PARD3B: variants seen among roughly 807,000 people sequenced by gnomAD.
PARD3B encodes partitioning defective 3 homolog B.
In PARD3B, 103 loss-of-function variants were observed where a neutral mutation model predicts 130.2. The ratio of observed to expected loss-of-function variants is 0.79; its 90% CI spans 0.67 to 0.93. The LOEUF (loss-of-function observed/expected upper bound fraction) is 0.93, where lower values mean the gene tolerates loss of function less well. Among genes scored for constraint, PARD3B ranks in the 40% least tolerant of loss-of-function variants. The pLI is 0.00. For missense variants in PARD3B, 1,609 were observed against 1,499.2 expected (o/e 1.07, Z -1.21); for synonymous variants, 583 against 553.2 (o/e 1.05, Z -0.76).
At position 205,241,707 on chromosome 2, in the gene PARD3B, T is replaced by C. The variant is rs566171470; in HGVS notation, c.2141-4071T>C. On this transcript the variant is annotated intron_variant, in intron 15 of 22. Coordinates refer to ENST00000406610, the MANE Select transcript of PARD3B (RefSeq NM_001302769.2). The surrounding 1 kb of genome is among the most constrained non-coding windows in gnomAD (Gnocchi z 4.2). ...GCTTTTAATTAATACTTTACTGTTT[T>C]GGAATCAAAGACCTTTCCCACACCA... Among the ~76,000 whole-genome samples the C allele has an allele frequency of 2.0e-5, 3 of 152,308 alleles. No individual in the cohort carries two copies. The highest frequency in any genetic ancestry group is 4.1e-4 in the South Asian group (2 of 4,832).
chr2:204,654,901 G>A lies in PARD3B; in HGVS notation c.121-31280G>A, dbSNP rs181093799. ...GATGTTTCATAGTCTCTGGTGGACC[G>A]AGCAGACTATCCAGTACATTGAGAG... On this transcript the variant is annotated intron_variant, in intron 1 of 22. Transcript: ENST00000406610. Among the ~76,000 whole-genome samples the A allele has an allele frequency of 5.9e-5, 9 of 152,202 alleles. No individual in the cohort carries two copies. In the South Asian group the frequency reaches 1.0e-3, roughly 18 times the overall value.
intron 18 of PARD3B, among the ~76,000 whole-genome samples, chr2:205,333,567 G>A (rs1340846763): frequency 6.6e-6 from 1 of 152,136 alleles, no homozygotes; most frequent in African/African-American, 2.4e-5. Context: ...TAGGGACACA[G>A]CCAATTCCAT....
At chr2:204,828,435 T>C (rs759038732) in intron 2 of PARD3B, among the ~76,000 whole-genome samples, 13 of 152,230 alleles carry the variant, frequency 8.5e-5, no homozygotes, top group South Asian at 2.1e-4. Context: ...CCAAGCATAG[T>C]CAAATATTAA....
rs774201389 is a variant in PARD3B, at chr2:205,158,896, G to A, written c.1609G>A (p.Ala537Thr). 1.3e-5 allele frequency: 21 copies of A among 1,613,708 alleles called. No homozygotes were observed. Among genetic ancestry groups the A allele is most frequent in the East Asian group, 8.9e-5 (4 of 44,868 alleles). ...IFIKSIIHGG[A>T]AFKDGRLRMN... ...TATCAAATCCATCATTCATGGAGGC[G>A]CTGCTTTTAAGGTGGGTAGGAATGA... Residue 537 changes from alanine to threonine, a missense_variant, in exon 11 of 23, where the codon GCT becomes ACT. Transcript: ENST00000406610. The surrounding 1 kb of genome is among the most constrained non-coding windows in gnomAD (Gnocchi z 5.4).
chr2:205,056,112 C>G (rs1256858437), intron 4 of PARD3B, among the ~76,000 whole-genome samples: 1 of 151,938 alleles, frequency 6.6e-6, no homozygotes, highest in Non-Finnish European at 1.5e-5. Flanking sequence ...TGAGAGTTCA[C>G]CTTGAGAAGA....
chr2:205,317,485 TCATACA>T (rs1293623912), intron 18 of PARD3B, among the ~76,000 whole-genome samples: 1 of 152,150 alleles, frequency 6.6e-6, no homozygotes, highest in Non-Finnish European at 1.5e-5. Context: ...TTAAATATAG[TCATACA>T]CATGGTGCCC....
chr2:204,663,056 C>T (rs954916737), intron 1 of PARD3B, among the ~76,000 whole-genome samples: 4 of 152,168 alleles, frequency 2.6e-5, no homozygotes, highest in African/African-American at 7.2e-5. Context: ...CCAAAACTAA[C>T]CATATAGGTA....
rs934444816 is a variant in PARD3B at position 204,766,517 on chromosome 2, T to G, written c.222+80235T>G. ...TTCTAAATTGCACTGTTAAAAATTT[T>G]AGTGTACTATACTCTTAATGTACTA... On this transcript the variant is annotated intron_variant, in intron 2 of 22. Coordinates refer to ENST00000406610, the MANE Select transcript of PARD3B (RefSeq NM_001302769.2). Among the ~76,000 whole-genome samples, 8 of 152,140 alleles carry G rather than the reference T, an allele frequency of 5.3e-5. No individual in the cohort carries two copies. In the East Asian group the frequency reaches 1.2e-3, roughly 22 times the overall value.
At chr2:205,076,353 T>C (rs1268689919) in intron 4 of PARD3B, among the ~76,000 whole-genome samples, 1 of 152,248 alleles carries the variant, frequency 6.6e-6, no homozygotes, top group Non-Finnish European at 1.5e-5. Context: ...TCTCTTGTTA[T>C]GCTAATTACC....
chr2:205,500,373 T>C (rs1341960228), intron 21 of PARD3B, among the ~76,000 whole-genome samples: 1 of 152,156 alleles, frequency 6.6e-6, no homozygotes, highest in Non-Finnish European at 1.5e-5. Flanking sequence ...CATCTCTCCT[T>C]TGGAAAATGG....
intron 2 of PARD3B, among the ~76,000 whole-genome samples, chr2:204,773,745 G>A (rs750282761): frequency 6.6e-6 from 1 of 152,170 alleles, no homozygotes; most frequent in South Asian, 2.1e-4. Context: ...TTTTGGACCA[G>A]TGCAGTAGCC....
intron 9 of PARD3B, among the ~76,000 whole-genome samples, chr2:205,124,962 C>T (rs544545754): frequency 2.0e-5 from 3 of 152,258 alleles, no homozygotes; most frequent in African/African-American, 7.2e-5. Flanking sequence ...ATACCAAAAG[C>T]AAGAGGGTGG....
chr2:204,547,915 C>G (rs1175983623), intron 1 of PARD3B, among the ~76,000 whole-genome samples: 1 of 152,068 alleles, frequency 6.6e-6, no homozygotes, highest in Non-Finnish European at 1.5e-5. Context: ...AATGTAGTTG[C>G]ATTGATCAGT....
intron 21 of PARD3B, among the ~76,000 whole-genome samples, chr2:205,523,815 C>CTTTT (rs11307073): frequency 8.2e-6 from 1 of 121,478 alleles, no homozygotes; most frequent in Non-Finnish European, 1.7e-5. Flanking sequence ...CTCTGATAAC[C>CTTTT]TTTTTTTTTT....
rs528624947 is a variant in PARD3B, at chr2:205,091,939, A to T, written c.505-12487A>T. Reference sequence around the variant, plus strand: ...TGAACTGAATGATTCCTGTTTTGCTATGGGTTTGCTAGCCCTGTTATTTCT... The same window carrying T: ...TGAACTGAATGATTCCTGTTTTGCTTTGGGTTTGCTAGCCCTGTTATTTCT... On this transcript the variant is annotated intron_variant, in intron 4 of 22. Coordinates refer to ENST00000406610, the MANE Select transcript of PARD3B (RefSeq NM_001302769.2). This position sits in a 1 kb window ranked among gnomAD's most constrained non-coding sequence, Gnocchi z 4.2. 6.6e-6 allele frequency among the ~76,000 whole-genome samples: 1 copy of T among 152,140 alleles called. No homozygotes were observed. Among genetic ancestry groups the T allele is most frequent in the Non-Finnish European group, 1.5e-5 (1 of 68,030 alleles).
intron 19 of PARD3B, among the ~76,000 whole-genome samples, chr2:205,401,748 C>G (rs2046260331): frequency 6.6e-6 from 1 of 152,160 alleles, no homozygotes; most frequent in African/African-American, 2.4e-5. Flanking sequence ...AACTCTGGCA[C>G]TTATCGCAAG....
At chr2:205,502,102 T>G (rs957364897) in intron 21 of PARD3B, among the ~76,000 whole-genome samples, 1 of 152,094 alleles carries the variant, frequency 6.6e-6, no homozygotes, top group Non-Finnish European at 1.5e-5. Context: ...CATCCTTTCC[T>G]CTCCTCTCCC....
At chr2:205,581,719 C>T (rs2053997851) in intron 22 of PARD3B, among the ~76,000 whole-genome samples, 1 of 151,574 alleles carries the variant, frequency 6.6e-6, no homozygotes, top group Non-Finnish European at 1.5e-5. Context: ...CACATGTACC[C>T]TATAAATAGA....
At chr2:205,383,593 C>G (rs2045559580) in intron 18 of PARD3B, among the ~76,000 whole-genome samples, 1 of 151,960 alleles carries the variant, frequency 6.6e-6, no homozygotes, top group Non-Finnish European at 1.5e-5. Context: ...TCCCTCCATA[C>G]CTTGGTTGAT....
Sources: allele counts gnomAD v4.1 joint callset (sites outside exome capture counted in the v4.1 genomes callset), GRCh38; gene constraint gnomAD v4.1.1; non-coding constraint Gnocchi (gnomAD v3.1); transcripts MANE v1.5; gene names NCBI Gene and HGNC (gene_info 2026-07-23, HGNC 2026-07-21).